Variants in TICRR observed in about 807,000 individuals in gnomAD.
TICRR encodes treslin.
A neutral mutation model predicts 178.1 loss-of-function variants in TICRR; 132 were observed. The ratio of observed to expected loss-of-function variants is 0.74; its 90% CI spans 0.64 to 0.86. The LOEUF is 0.86. Among genes scored for constraint, TICRR ranks in the 40% least tolerant of loss-of-function variants. The probability of loss-of-function intolerance (pLI) is 0.00; values close to 1 mark genes in which losing one functional copy is unlikely to be tolerated. For synonymous variants in TICRR, 991 were observed against 900.7 expected (o/e 1.10, Z -1.79); for missense variants, 2,587 against 2,334.3 (o/e 1.11, Z -2.23).
chr15:89,578,658 CTT>C (rs796973609), intron 1 of TICRR, among the ~76,000 whole-genome samples: 1 of 123,846 alleles, frequency 8.1e-6, no homozygotes, highest in Non-Finnish European at 1.9e-5. Flanking sequence ...CTCTCTCTCT[CTT>C]TTTTTTTTTG....
At chr15:89,580,998 T>C (rs1482138284) in intron 1 of TICRR, among the ~76,000 whole-genome samples, 1 of 152,200 alleles carries the variant, frequency 6.6e-6, no homozygotes, top group Non-Finnish European at 1.5e-5. Context: ...TTCATACCAC[T>C]GCACTCCAGC....
chr15:89,610,173 A>C (rs967382811), intron 15 of TICRR, among the ~76,000 whole-genome samples: 1 of 152,168 alleles, frequency 6.6e-6, no homozygotes, highest in Admixed American at 6.6e-5. Context: ...AGAATGTTTA[A>C]TGTGTGCTTG....
chr15:89,584,661 CATT>C (rs1228598485), intron 3 of TICRR, 134 bp downstream of exon 3: 1 of 905,796 alleles, frequency 1.1e-6, no homozygotes, highest in African/African-American at 1.7e-5. Context: ...ATATTGTTGA[CATT>C]ATAGTATCAT....
At position 89,621,459 on chromosome 15, in the gene TICRR, C is replaced by T. The variant is rs775130936; in HGVS notation, c.3221C>T (p.Ser1074Phe). The T allele has an allele frequency of 1.9e-6, 3 of 1,614,078 alleles. No individual in the cohort carries two copies. The East Asian group carries it at 6.7e-5, about 36-fold the overall frequency. ...SPKSLLFGAMSEMISPSEKGS... is the reference protein window; with the variant it reads ...SPKSLLFGAMFEMISPSEKGS... ...AAGAGTCTTCTTTTTGGGGCAATGT[C>T]TGAGATGATCAGCCCCTCAGAAAAG... is the stretch of plus-strand genomic sequence containing the variant. The change falls in exon 19 of 22, where the codon TCT (serine) becomes TTT (phenylalanine). Residue 1074 changes from serine to phenylalanine, a missense_variant. Physicochemically the swap from Ser to Phe is radical, Grantham distance 155. Transcript: ENST00000268138.
chr15:89,591,048 AT>A (rs1211303617), intron 4 of TICRR, among the ~76,000 whole-genome samples: 1 of 151,870 alleles, frequency 6.6e-6, no homozygotes, highest in Non-Finnish European at 1.5e-5. Context: ...CTTATTTCCA[AT>A]TTTCCTACTC....
Position 89,619,834 on chromosome 15 carries a change from A to C in TICRR, c.3146A>C (p.Asp1049Ala). ...CAAAGAGTCCACTCTTTCCAGCAAG[A>C]TAAGTCAGGTAACATACGGGCCCCT... is the stretch of plus-strand genomic sequence containing the variant. ...SVQRVHSFQQ[D>A]KSDQRENSPV... The change falls in exon 18 of 22, where the codon GAT becomes GCT. Residue 1049 changes from aspartate to alanine, a missense_variant. Asp to Ala is a moderately radical substitution (Grantham distance 126, BLOSUM62 -2). Coordinates refer to ENST00000268138, the MANE Select transcript of TICRR (RefSeq NM_152259.4). 1 of 1,611,680 alleles carries C rather than the reference A, an allele frequency of 6.2e-7. No individual in the cohort carries two copies. The highest frequency in any genetic ancestry group is 8.5e-7 in the Non-Finnish European group (1 of 1,179,340).
intron 15 of TICRR, 49 bp downstream of exon 15, chr15:89,608,998 G>T: frequency 6.9e-7 from 1 of 1,443,670 alleles, no homozygotes; most frequent in Non-Finnish European, 9.2e-7. Context: ...GATTCTGTAA[G>T]ATTAGTAGTA....
Position 89,625,832 on chromosome 15 carries a change from C to A in TICRR, c.5476+46C>A. 1.9e-6 allele frequency: 3 copies of A among 1,561,950 alleles called. No homozygotes were observed. The South Asian group carries it at 3.7e-5, about 19-fold the overall frequency. Reference sequence around the variant, plus strand: ...CAGTTTCCTCATGGTTTCTTTTGGTCAGAGTGCTTGACAAGGAGGCACTTG... The same window carrying A: ...CAGTTTCCTCATGGTTTCTTTTGGTAAGAGTGCTTGACAAGGAGGCACTTG... On this transcript the variant is annotated intron_variant, in intron 20 of 21. Transcript: ENST00000268138.
At chr15:89,591,310 G>T (rs1567042261) in intron 4 of TICRR, among the ~76,000 whole-genome samples, 2 of 152,120 alleles carry the variant, frequency 1.3e-5, no homozygotes, top group African/African-American at 4.8e-5. Context: ...TTTTAGTAGA[G>T]ACGGGGTTTT....
intron 18 of TICRR, 49 bp from the exon 19 acceptor site, chr15:89,621,344 A>G: frequency 6.4e-7 from 1 of 1,565,798 alleles, no homozygotes; most frequent in South Asian, 1.2e-5. Flanking sequence ...GTATTGGAAG[A>G]ACAGGAATTG....
Position 89,621,378 on chromosome 15 carries a change from GT to G in TICRR, c.3155-10del. 6.3e-7 allele frequency: 1 copy of G among 1,588,922 alleles called. No homozygotes were observed. Among genetic ancestry groups the G allele is most frequent in the Non-Finnish European group, 8.5e-7 (1 of 1,172,406 alleles). ...TGAGAAAGAATTAAATATTGTTGCT[GT>G]TTTTGACTTGCAGACCAAAGAGAAA... On this transcript the variant is annotated splice_polypyrimidine_tract_variant and intron_variant, in intron 18 of 21. Transcript: ENST00000268138.
In TICRR at chr15:89,605,043, T is replaced by TAA. The variant is rs796691752; in HGVS notation, c.2665-1716_2665-1715dup. Among the ~76,000 whole-genome samples the TAA allele has an allele frequency of 5.3e-5, 8 of 150,296 alleles. No homozygotes were observed. In the South Asian group the frequency reaches 1.3e-3, roughly 24 times the overall value. On this transcript the variant is annotated intron_variant, in intron 13 of 21. Coordinates refer to ENST00000268138, the MANE Select transcript of TICRR (RefSeq NM_152259.4). Reference sequence around the variant, plus strand: ...CTTAACTCCAGAAGATCACAAGGATTAAAAAAAAAATATTTGATCCTGCCT... The same window carrying TAA: ...CTTAACTCCAGAAGATCACAAGGATTAAAAAAAAAAAATATTTGATCCTGCCT...
intron 4 of TICRR, among the ~76,000 whole-genome samples, chr15:89,590,887 A>C (rs1293005386): frequency 6.6e-6 from 1 of 152,316 alleles, no homozygotes. Context: ...ATTAATGTCT[A>C]ACATTTCATT....
intron 3 of TICRR, 87 bp from the exon 4 acceptor site, chr15:89,585,621 A>G: frequency 1.1e-6 from 1 of 901,974 alleles, no homozygotes; most frequent in Non-Finnish European, 1.8e-6. Context: ...TAATTGGGAA[A>G]ATGGTTATTC....
chr15:89,576,193 G>A lies in TICRR; in HGVS notation c.607G>A (p.Ala203Thr). The A allele has an allele frequency of 1.3e-6, 2 of 1,597,098 alleles. No individual in the cohort carries two copies. The highest frequency in any genetic ancestry group is 1.7e-6 in the Non-Finnish European group (2 of 1,178,078). ...CAAGAGAGTCCGGGAAGTCATGGTC[G>A]CCCGAAAAATCACCTTCTACTGGGT... ...LPKRVREVMV[A>T]RKITFYWVDT... The change falls in exon 1 of 22, where the codon GCC becomes ACC. Residue 203 changes from alanine to threonine, a missense_variant. Physicochemically the swap from Ala to Thr is moderately conservative, Grantham distance 58. Coordinates refer to ENST00000268138, the MANE Select transcript of TICRR (RefSeq NM_152259.4).
chr15:89,621,384 G>C lies in TICRR; in HGVS notation c.3155-9G>C. The C allele has an allele frequency of 6.3e-7, 1 of 1,588,556 alleles. No individual in the cohort carries two copies. On this transcript the variant is annotated splice_polypyrimidine_tract_variant and intron_variant, in intron 18 of 21. Coordinates refer to ENST00000268138, the MANE Select transcript of TICRR (RefSeq NM_152259.4). ...AGAATTAAATATTGTTGCTGTTTTT[G>C]ACTTGCAGACCAAAGAGAAAATTCT...
chr15:89,611,032 G>T (rs1263637498), intron 15 of TICRR, among the ~76,000 whole-genome samples: 2 of 150,842 alleles, frequency 1.3e-5, no homozygotes, highest in African/African-American at 4.9e-5. Context: ...TGTTAATACA[G>T]ACTTAAATTA....
intron 15 of TICRR, among the ~76,000 whole-genome samples, chr15:89,614,959 A>G (rs1161138196): frequency 1.3e-5 from 2 of 152,196 alleles, no homozygotes. Flanking sequence ...AAGGTTAGCC[A>G]TAGGTGGCAG....
chr15:89,623,484 T>A, intron 19 of TICRR, 139 bp from the exon 20 acceptor site: 1 of 878,908 alleles, frequency 1.1e-6, no homozygotes, highest in Non-Finnish European at 1.7e-6. Context: ...GGGAAACGGG[T>A]CACTATTTGA....
Sources: gnomAD v4.1 joint callset for allele counts (sites outside exome capture counted in the v4.1 genomes callset) on GRCh38, gnomAD v4.1.1 for gene constraint, MANE v1.5 for transcripts, NCBI Gene and HGNC (gene_info 2026-07-23, HGNC 2026-07-21) for gene names.